Variants in MAP1LC3B observed in about 807,000 individuals in gnomAD.
MAP1LC3B encodes microtubule-associated protein 1 light chain 3 beta.
A neutral mutation model predicts 16.7 loss-of-function variants in MAP1LC3B; 12 were observed. That is an observed-to-expected ratio of 0.72 (90% CI 0.46 to 1.16). MAP1LC3B has a LOEUF of 1.16. MAP1LC3B is among the 50% of genes most tolerant of loss of function. The probability of loss-of-function intolerance (pLI) is 0.00; values close to 1 mark genes in which losing one functional copy is unlikely to be tolerated. For synonymous variants in MAP1LC3B, 63 were observed against 56.5 expected, an observed-to-expected ratio of 1.11 and a Z score of -0.51; for missense variants, 155 against 159.5, an observed-to-expected ratio of 0.97 and a Z score of 0.15.
At chr16:87,392,492 G>A (rs1212008004) in intron 1 of MAP1LC3B, 25 bp downstream of exon 1, 2 of 1,301,854 alleles carry the variant, frequency 1.5e-6, no homozygotes, top group Non-Finnish European at 1.9e-6. Flanking sequence ...GAGGGCGGCG[G>A]GTGCGGCGGG....
intron 1 of MAP1LC3B, among the ~76,000 whole-genome samples, chr16:87,396,172 C>T (rs1597388967): frequency 6.6e-6 from 1 of 151,456 alleles, no homozygotes. Context: ...AACCTAGTTT[C>T]CTATATTAAA....
intron 3 of MAP1LC3B, chr16:87,402,655 T>C: frequency 1.8e-6 from 1 of 554,690 alleles, no homozygotes; most frequent in Non-Finnish European, 3.2e-6. Flanking sequence ...TCAGAAACTG[T>C]ATTTGAACTG....
intron 3 of MAP1LC3B, 32 bp downstream of exon 3, chr16:87,402,313 TC>T (rs1395268328): frequency 6.3e-6 from 10 of 1,579,408 alleles, no homozygotes; most frequent in Non-Finnish European, 8.7e-6. Context: ...ATAATATATT[TC>T]CTTTGAGTAA....
intron 3 of MAP1LC3B, 117 bp downstream of exon 3, chr16:87,402,398 G>A (rs1908026368): frequency 1.1e-6 from 1 of 950,330 alleles, no homozygotes; most frequent in Non-Finnish European, 1.5e-6. Flanking sequence ...TTTTTCAGCT[G>A]AATTCAGTTC....
intron 1 of MAP1LC3B, among the ~76,000 whole-genome samples, chr16:87,398,339 T>A (rs574838186): frequency 6.6e-6 from 1 of 152,346 alleles, no homozygotes; most frequent in South Asian, 2.1e-4. Context: ...CAGTTTATTT[T>A]CTCTTAGGCA....
Position 87,403,756 on chromosome 16 carries a change from T to TA in MAP1LC3B, c.*660dup, listed in dbSNP as rs1431938949. ...TGGTTTGGTTTGTTCTCTAGATAGT[T>TA]ACACACATAAAGACACCACTCAAAA... On this transcript the variant is annotated 3_prime_UTR_variant, in exon 4 of 4. Coordinates refer to ENST00000268607, the MANE Select transcript of MAP1LC3B (RefSeq NM_022818.5). 3.3e-5 allele frequency: 5 copies of TA among 152,248 alleles called. No individual in the cohort carries two copies. The highest frequency in any genetic ancestry group is 9.6e-5 in the African/African-American group (4 of 41,464). The allele number at this position is 152,248 out of a possible 1,614,324, so 9.4% of individuals were successfully genotyped here. A position where few individuals can be genotyped will look rare whatever the true frequency, so the allele number is the denominator to read the frequency against.
At chr16:87,400,980 A>C (rs113496786) in intron 2 of MAP1LC3B, among the ~76,000 whole-genome samples, 9,405 of 152,058 alleles carry the variant, frequency 0.062, 461 homozygotes, top group East Asian at 0.21. Flanking sequence ...TAAAAATACA[A>C]AAATTAGCTG....
At chr16:87,400,704 C>T (rs1442915301) in intron 2 of MAP1LC3B, among the ~76,000 whole-genome samples, 1 of 139,170 alleles carries the variant, frequency 7.2e-6, no homozygotes, top group Admixed American at 7.3e-5. Context: ...CAGGCATTTA[C>T]TTTTTTTTTT....
intron 1 of MAP1LC3B, chr16:87,392,677 C>T (rs911796877): frequency 3.6e-6 from 1 of 276,292 alleles, no homozygotes; most frequent in Non-Finnish European, 5.9e-6. Flanking sequence ...AGGGGCTGGT[C>T]TGGGCCGGGG....
chr16:87,402,797 G>A, intron 3 of MAP1LC3B, 126 bp from the exon 4 acceptor site: 1 of 1,085,898 alleles, frequency 9.2e-7, no homozygotes, highest in East Asian at 2.6e-5. Context: ...TTTATGAGAA[G>A]TATTGGATTC....
chr16:87,397,871 AAC>A (rs887742139), intron 1 of MAP1LC3B, among the ~76,000 whole-genome samples: 3 of 146,846 alleles, frequency 2.0e-5, no homozygotes, highest in Admixed American at 6.8e-5. Flanking sequence ...TTTTTTTTTT[AAC>A]ACACATATTG....
Position 87,399,888 on chromosome 16 carries a change from C to G in MAP1LC3B, c.96+1018C>G, listed in dbSNP as rs570251825. 311 of 234,878 alleles carry G rather than the reference C, an allele frequency of 1.3e-3. 1 individual carries two copies. The highest frequency in any genetic ancestry group is 6.7e-3 in the African/African-American group (289 of 43,340). 14.5% of individuals were successfully genotyped at this position (234,878 alleles called of 1,614,324 possible). A position where few individuals can be genotyped will look rare whatever the true frequency, so the allele number is the denominator to read the frequency against. On this transcript the variant is annotated intron_variant, in intron 2 of 3. Coordinates refer to ENST00000268607, the MANE Select transcript of MAP1LC3B (RefSeq NM_022818.5). ...TCCCAGGTTCAAGTGATTCTCCTGC[C>G]TCAGCCTCCTGAATAGCTGGGACTA...
At chr16:87,395,921 C>T (rs1420880486) in intron 1 of MAP1LC3B, among the ~76,000 whole-genome samples, 2 of 126,958 alleles carry the variant, frequency 1.6e-5, no homozygotes, top group African/African-American at 6.1e-5. Flanking sequence ...AGTGCAGTGG[C>T]ATGATCTCAG....
intron 2 of MAP1LC3B, 144 bp downstream of exon 2, chr16:87,399,014 CT>C (rs1187247198): frequency 7.3e-6 from 5 of 685,460 alleles, no homozygotes; most frequent in Non-Finnish European, 7.8e-6. Flanking sequence ...GAGAGGTATC[CT>C]TTTTTTAAGA....
Position 87,402,683 on chromosome 16 carries a change from GT to G in MAP1LC3B, c.204-237del. 3.4e-6 allele frequency: 2 copies of G among 588,874 alleles called. 1 individual carries two copies. The highest frequency in any genetic ancestry group is 4.2e-5 in the South Asian group (2 of 47,388). 36.5% of individuals were successfully genotyped at this position (588,874 alleles called of 1,614,324 possible). Reference sequence around the variant, plus strand: ...TTGAACTGCTTTCTTATATTAGACAGTTTAACAGCTGTTCAGACAGTATACT... The same window carrying G: ...TTGAACTGCTTTCTTATATTAGACAGTTAACAGCTGTTCAGACAGTATACT... On this transcript the variant is annotated intron_variant, in intron 3 of 3. Transcript: ENST00000268607.
At chr16:87,402,686 T>C (rs1434178050) in intron 3 of MAP1LC3B, 4 of 590,552 alleles carry the variant, frequency 6.8e-6, no homozygotes, top group South Asian at 4.2e-5. Context: ...TTAGACAGTT[T>C]AACAGCTGTT....
At chr16:87,395,974 C>T (rs1907786858) in intron 1 of MAP1LC3B, among the ~76,000 whole-genome samples, 1 of 149,722 alleles carries the variant, frequency 6.7e-6, no homozygotes, top group African/African-American at 2.5e-5. Context: ...GATTCTCCTG[C>T]CTTAGCCTCC....
At chr16:87,394,540 A>C (rs1326021784) in intron 1 of MAP1LC3B, among the ~76,000 whole-genome samples, 2 of 152,214 alleles carry the variant, frequency 1.3e-5, no homozygotes, top group African/African-American at 4.8e-5. Context: ...AATGGATTTT[A>C]AGGCTCACTG....
chr16:87,400,131 CGTGTGTGTGTGTGTGTGTGTGTGTGTGT>C (rs34644441), intron 2 of MAP1LC3B: 24 of 136,940 alleles, frequency 1.8e-4, no homozygotes, highest in African/African-American at 4.5e-4. Context: ...AGTTCAAATA[CGTGTGTGTGTGTGTGTGTGTGTGTGTGT>C]GTGTGTGTGT....
Sources: gnomAD v4.1 joint callset for allele counts (sites outside exome capture counted in the v4.1 genomes callset) on GRCh38, gnomAD v4.1.1 for gene constraint, MANE v1.5 for transcripts, NCBI Gene and HGNC (gene_info 2026-07-23, HGNC 2026-07-21) for gene names.